Variants in TMED1 observed in about 807,000 individuals in gnomAD.
TMED1 encodes the protein transmembrane p24 trafficking protein 1.
TMED1 carries 20 observed loss-of-function variants against 21.2 expected under a neutral mutation model. The ratio of observed to expected loss-of-function variants is 0.95; its 90% CI spans 0.67 to 1.37. The LOEUF (loss-of-function observed/expected upper bound fraction) is 1.37, where lower values mean the gene tolerates loss of function less well. Ranked by LOEUF, TMED1 falls within the 40% of genes most tolerant of loss-of-function variation. The pLI is 0.00. For missense variants in TMED1, 316 were observed against 309.8 expected (o/e 1.02, Z -0.15); for synonymous variants, 149 against 134.7 (o/e 1.11, Z -0.74).
At position 10,835,294 on chromosome 19, in the gene TMED1, C is replaced by A. The variant is rs767362255; in HGVS notation, c.243G>T (p.Leu81=). The part of the protein sequence containing the change: ...DFTLESPQGV[L]LVSESRKADG... ...CAGCCTTGCGGGACTCGCTGACCAACAGCACGCCCTGAGGGCTCTCCAGCG... is the reference window on the plus strand; with the variant it reads ...CAGCCTTGCGGGACTCGCTGACCAAAAGCACGCCCTGAGGGCTCTCCAGCG... The change falls in exon 2 of 4, where the codon CTG becomes CTT. Residue 81 remains leucine (L), a synonymous_variant. Transcript: ENST00000214869. The A allele has an allele frequency of 1.2e-6, 2 of 1,614,088 alleles. No individual in the cohort carries two copies. The highest frequency in any genetic ancestry group is 1.7e-6 in the Non-Finnish European group (2 of 1,180,008).
At chr19:10,835,166 C>T (rs931024951) in intron 2 of TMED1, 49 bp from the exon 3 acceptor site, 20 of 1,610,280 alleles carry the variant, frequency 1.2e-5, no homozygotes, top group Admixed American at 5.0e-5. Context: ...AGCCAGCCGA[C>T]TCAGCGGGGC....
Position 10,835,903 on chromosome 19 carries a change from C to G in TMED1, c.183+106G>C, listed in dbSNP as rs1374789286. 5 of 1,448,732 alleles carry G rather than the reference C, an allele frequency of 3.5e-6. No homozygotes were observed. The Admixed American group carries it at 1.0e-4, about 29-fold the overall frequency. The allele number at this position is 1,448,732 out of a possible 1,614,324, so 89.7% of individuals were successfully genotyped here. ...CTTTCTAGCTCCGCCCCCGCGCTCC[C>G]AAGCACGGATTCCTCCCCCTTCCTC... is the stretch of plus-strand genomic sequence containing the variant. On this transcript the variant is annotated intron_variant, in intron 1 of 3. Coordinates refer to ENST00000214869, the MANE Select transcript of TMED1 (RefSeq NM_006858.4).
At position 10,833,193 on chromosome 19, in the gene TMED1, C is replaced by T. The variant is rs187693148; in HGVS notation, c.486G>A (p.Arg162=). ...EDIKESIETM[R]TRLERSIQML... ...TCTGGATGCTGCGCTCCAGCCGGGT[C>T]CGCATGGTCTCAATGGACTCCTACA... The change falls in exon 4 of 4, where the codon CGG becomes CGA. Residue 162 remains arginine (R), a synonymous_variant. Transcript: ENST00000214869. The T allele has an allele frequency of 6.2e-7, 1 of 1,613,380 alleles. No homozygotes were observed. Among genetic ancestry groups the T allele is most frequent in the East Asian group, 2.2e-5 (1 of 44,868 alleles).
Position 10,833,621 on chromosome 19 carries a change from A to G in TMED1, c.466-408T>C, listed in dbSNP as rs142459179. The G allele has an allele frequency of 2.1e-4, 46 of 215,066 alleles. No homozygotes were observed. In the East Asian group the frequency reaches 4.9e-3, roughly 23 times the overall value. 13.3% of individuals were successfully genotyped at this position (215,066 alleles called of 1,614,324 possible). ...TACAAAAAATTAGCCAGGGGTGGTGATGTGCAACTGCAATCCCAGCTACTC... is the reference window on the plus strand; with the variant it reads ...TACAAAAAATTAGCCAGGGGTGGTGGTGTGCAACTGCAATCCCAGCTACTC... On this transcript the variant is annotated intron_variant, in intron 3 of 3. Transcript: ENST00000214869.
rs553527943 is a variant in TMED1, at chr19:10,835,994, C to G, written c.183+15G>C. The G allele has an allele frequency of 1.0e-5, 16 of 1,566,052 alleles. No individual in the cohort carries two copies. Among genetic ancestry groups the G allele is most frequent in the Non-Finnish European group, 1.3e-5 (15 of 1,156,034 alleles). ...CTCCCTGACTCTGCTGGCCGCCCAG[C>G]CCGCGACCCTCTACCTGGTATTCGG... On this transcript the variant is annotated intron_variant, in intron 1 of 3. Coordinates refer to ENST00000214869, the MANE Select transcript of TMED1 (RefSeq NM_006858.4).
In TMED1 at chr19:10,832,442, T is replaced by C; in HGVS notation, c.*553A>G. The stretch of plus-strand genomic sequence containing the variant: ...GCCCCAATCAGCAGGCTCTTGTGAT[T>C]TTCTGACCATAATTTATTGACTCCA... On this transcript the variant is annotated 3_prime_UTR_variant, in exon 4 of 4. Transcript: ENST00000214869. 2 of 1,055,706 alleles carry C rather than the reference T, an allele frequency of 1.9e-6. No individual in the cohort carries two copies. The highest frequency in any genetic ancestry group is 2.6e-6 in the Non-Finnish European group (2 of 781,804). The allele number at this position is 1,055,706 out of a possible 1,614,324, so 65.4% of individuals were successfully genotyped here.
At chr19:10,834,867 C>A in intron 3 of TMED1, 67 bp downstream of exon 3, 1 of 1,562,078 alleles carries the variant, frequency 6.4e-7, no homozygotes, top group Non-Finnish European at 8.7e-7. Context: ...TGGGTCAGCC[C>A]AAGGGGGGCA....
rs565327045 is a variant in TMED1 at position 10,834,792 on chromosome 19, A to G, written c.465+142T>C. On this transcript the variant is annotated intron_variant, in intron 3 of 3. Coordinates refer to ENST00000214869, the MANE Select transcript of TMED1 (RefSeq NM_006858.4). ...CACCGTGCCCGGCCTGAAATGAACTACTTATTTTAAGAGCTGCTACTCTTA... is the reference window on the plus strand; with the variant it reads ...CACCGTGCCCGGCCTGAAATGAACTGCTTATTTTAAGAGCTGCTACTCTTA... 5.8e-6 allele frequency: 6 copies of G among 1,038,158 alleles called. No individual in the cohort carries two copies. In the African/African-American group the frequency reaches 8.0e-5, roughly 14 times the overall value. 64.3% of individuals were successfully genotyped at this position (1,038,158 alleles called of 1,614,324 possible).
At position 10,832,470 on chromosome 19, in the gene TMED1, G is replaced by A. The variant is rs986504210; in HGVS notation, c.*525C>T. 3 of 826,280 alleles carry A rather than the reference G, an allele frequency of 3.6e-6. No homozygotes were observed. In the Admixed American group the frequency reaches 7.9e-5, roughly 22 times the overall value. The allele number at this position is 826,280 out of a possible 1,614,324, so 51.2% of individuals were successfully genotyped here. On this transcript the variant is annotated 3_prime_UTR_variant, in exon 4 of 4. Coordinates refer to ENST00000214869, the MANE Select transcript of TMED1 (RefSeq NM_006858.4). ...CTGACCATAATTTATTGACTCCAAT[G>A]CCCAGGCCACACCACCCTTTGTTAT...
chr19:10,832,659 C>G lies in TMED1; in HGVS notation c.*336G>C, dbSNP rs1326516218. 1.7e-6 allele frequency: 1 copy of G among 575,236 alleles called. No homozygotes were observed. Among genetic ancestry groups the G allele is most frequent in the East Asian group, 2.9e-5 (1 of 34,274 alleles). The allele number at this position is 575,236 out of a possible 1,614,324, so 35.6% of individuals were successfully genotyped here. On this transcript the variant is annotated 3_prime_UTR_variant, in exon 4 of 4. Transcript: ENST00000214869. ...CCCAGGTTTCCTTGTTAGGCCCTGC[C>G]CCGCACCAGGCAACGCTAACACAGG... is the stretch of plus-strand genomic sequence containing the variant.
chr19:10,832,948 C>T lies in TMED1; in HGVS notation c.*47G>A, dbSNP rs759856924. ...GGGACCCCCAAGTCTCATATGCACA[C>T]ACCCTGCTGCCCCTCCTTTGTCCCG... On this transcript the variant is annotated 3_prime_UTR_variant, in exon 4 of 4. Transcript: ENST00000214869. The T allele has an allele frequency of 1.0e-5, 16 of 1,596,516 alleles. No homozygotes were observed. The highest frequency in any genetic ancestry group is 1.3e-5 in the African/African-American group (1 of 74,840).
In TMED1 at chr19:10,836,080, A is replaced by G; in HGVS notation, c.112T>C (p.Leu38=). The G allele has an allele frequency of 6.3e-7, 1 of 1,597,198 alleles. No individual in the cohort carries two copies. Among genetic ancestry groups the G allele is most frequent in the Non-Finnish European group, 8.5e-7 (1 of 1,172,880 alleles). Residue 38 remains leucine (L), a synonymous_variant, in exon 1 of 4, where the codon TTG becomes CTG. Coordinates refer to ENST00000214869, the MANE Select transcript of TMED1 (RefSeq NM_006858.4). ...AAACACTGCTTCCTCCCCGCCGGCA[A>G]CAGGAACGTGAACTCACCGTCCTGG... is the stretch of plus-strand genomic sequence containing the variant. The part of the protein sequence containing the change: ...PIQDGEFTFL[L]PAGRKQCFYQ...
At chr19:10,835,204 GGGAAGGGCAGGGCTGTA>G (rs1599649012) in intron 2 of TMED1, 35 bp downstream of exon 2, 1 of 1,612,538 alleles carries the variant, frequency 6.2e-7, no homozygotes, top group African/African-American at 1.3e-5. Flanking sequence ...GAGGCCGCCT[GGGAAGGGCAGGGCTGTA>G]ACTGAACCCA....
chr19:10,832,317 T>C lies in TMED1; in HGVS notation c.*678A>G. On this transcript the variant is annotated 3_prime_UTR_variant, in exon 4 of 4. Transcript: ENST00000214869. The stretch of plus-strand genomic sequence containing the variant: ...CTCTTGTGCCAGGCGACCACCTCCA[T>C]CGGCTCCCGCACGACCTTTCTTCTG... 1 of 1,289,802 alleles carries C rather than the reference T, an allele frequency of 7.8e-7. No homozygotes were observed. The highest frequency in any genetic ancestry group is 1.5e-5 in the African/African-American group (1 of 66,000). The allele number at this position is 1,289,802 out of a possible 1,614,324, so 79.9% of individuals were successfully genotyped here.
chr19:10,836,159 G>C lies in TMED1; in HGVS notation c.33C>G (p.Ala11=), dbSNP rs770850022. ...CCACTGGTGGCATTAGTAGCCACAA[G>C]GCCAGGGCTAGGGCCGCGCCGGCCG... MMAAGAALAL[A]LWLLMPPVEV... is the part of the protein sequence containing the mutation. The change falls in exon 1 of 4, where the codon GCC becomes GCG. Residue 11 remains alanine (A), a synonymous_variant. Coordinates refer to ENST00000214869, the MANE Select transcript of TMED1 (RefSeq NM_006858.4). 3 of 1,565,046 alleles carry C rather than the reference G, an allele frequency of 1.9e-6. No individual in the cohort carries two copies. The highest frequency in any genetic ancestry group is 1.7e-6 in the Non-Finnish European group (2 of 1,156,546).
Position 10,832,377 on chromosome 19 carries a change from G to A in TMED1, c.*618C>T, listed in dbSNP as rs1568327086. The A allele has an allele frequency of 7.8e-7, 1 of 1,289,600 alleles. No homozygotes were observed. Among genetic ancestry groups the A allele is most frequent in the African/African-American group, 1.5e-5 (1 of 65,874 alleles). The allele number at this position is 1,289,600 out of a possible 1,614,324, so 79.9% of individuals were successfully genotyped here. The stretch of plus-strand genomic sequence containing the variant: ...GGAGGCCCCTCCCACCTGTCTGGCT[G>A]CCCCCTCGGGGGCCGGTCTGTCCTG... On this transcript the variant is annotated 3_prime_UTR_variant, in exon 4 of 4. Coordinates refer to ENST00000214869, the MANE Select transcript of TMED1 (RefSeq NM_006858.4).
Position 10,833,266 on chromosome 19 carries a change from C to A in TMED1, c.466-53G>T, listed in dbSNP as rs781483595. 4.6e-6 allele frequency: 7 copies of A among 1,506,572 alleles called. No individual in the cohort carries two copies. In the South Asian group the frequency reaches 8.2e-5, roughly 18 times the overall value. 93.3% of individuals were successfully genotyped at this position (1,506,572 alleles called of 1,614,324 possible). A position where few individuals can be genotyped will look rare whatever the true frequency, so the allele number is the denominator to read the frequency against. On this transcript the variant is annotated intron_variant, in intron 3 of 3. Coordinates refer to ENST00000214869, the MANE Select transcript of TMED1 (RefSeq NM_006858.4). Reference sequence around the variant, plus strand: ...AGGCCTCCCTCCACCCATCAGGGAGCAGAGACCAAAAAAACCGGGGGATAC... The same window carrying A: ...AGGCCTCCCTCCACCCATCAGGGAGAAGAGACCAAAAAAACCGGGGGATAC...
Position 10,832,785 on chromosome 19 carries a change from C to A in TMED1, c.*210G>T, listed in dbSNP as rs775481765. The A allele has an allele frequency of 3.7e-4, 225 of 615,742 alleles. 4 individuals are homozygous for A. The highest frequency in any genetic ancestry group is 4.3e-4 in the Middle Eastern group (1 of 2,328). 38.1% of individuals were successfully genotyped at this position (615,742 alleles called of 1,614,324 possible). On this transcript the variant is annotated 3_prime_UTR_variant, in exon 4 of 4. Coordinates refer to ENST00000214869, the MANE Select transcript of TMED1 (RefSeq NM_006858.4). ...GCCCACCATGTGAGATTTCCAGGACCGTCGGTGCAGCCACTGAGCCGTCCC... is the reference window on the plus strand; with the variant it reads ...GCCCACCATGTGAGATTTCCAGGACAGTCGGTGCAGCCACTGAGCCGTCCC...
chr19:10,835,512 C>T, intron 1 of TMED1, 159 bp from the exon 2 acceptor site: 1 of 1,471,772 alleles, frequency 6.8e-7, no homozygotes, highest in Non-Finnish European at 9.0e-7. Context: ...AGTGGCTGCG[C>T]CCCTTGCCTC....
Sources: gnomAD v4.1 joint callset for allele counts on GRCh38, gnomAD v4.1.1 for gene constraint, MANE v1.5 for transcripts, NCBI Gene and HGNC (gene_info 2026-07-23, HGNC 2026-07-21) for gene names.